The following CECR2 variants were observed in gnomAD, a reference collection of about 807,000 sequenced individuals.
CECR2 encodes the protein chromatin remodeling regulator CECR2.
Under a neutral mutation model 154.5 loss-of-function variants are expected in CECR2, and 30 were observed. The observed-to-expected ratio is 0.19, with a 90% CI of 0.15 to 0.26. The LOEUF (loss-of-function observed/expected upper bound fraction) is 0.26, where lower values mean the gene tolerates loss of function less well. Among genes scored for constraint, CECR2 ranks in the 10% least tolerant of loss-of-function variants. The probability of loss-of-function intolerance (pLI) is 1.00; values close to 1 mark genes in which losing one functional copy is unlikely to be tolerated. For synonymous variants in CECR2, 725 were observed against 683.7 expected (o/e 1.06, Z -0.94); for missense variants, 1,743 against 1,829.3 (o/e 0.95, Z 0.86).
At chr22:17,543,154 A>T (rs892818567) in intron 16 of CECR2, among the ~76,000 whole-genome samples, 151 bp downstream of exon 16, 1 of 151,682 alleles carries the variant, frequency 6.6e-6, no homozygotes, top group Admixed American at 6.6e-5. Context: ...TTTTTTTGAG[A>T]CAGAGTCTTG....
chr22:17,541,693 T>C, intron 14 of CECR2, 146 bp from the exon 15 acceptor site: 1 of 883,046 alleles, frequency 1.1e-6, no homozygotes, highest in South Asian at 2.0e-5. Context: ...GGTGAGCACG[T>C]GTGTTCACAG....
chr22:17,542,131 A>G, intron 15 of CECR2, 26 bp from the exon 16 acceptor site: 2 of 1,601,736 alleles, frequency 1.2e-6, no homozygotes, highest in Non-Finnish European at 1.7e-6. Flanking sequence ...TGAGTCTGTA[A>G]CTGTGCTGCC....
rs1250439461 is a variant in CECR2, at chr22:17,542,907, C to G, written c.2764C>G (p.Pro922Ala). 6.2e-7 allele frequency: 1 copy of G among 1,613,960 alleles called. No individual in the cohort carries two copies. The highest frequency in any genetic ancestry group is 1.1e-5 in the South Asian group (1 of 91,082). Reference protein sequence around the residue: ...LPGPFPQVAHPMSVTVSAPKP... With the variant: ...LPGPFPQVAHAMSVTVSAPKP... ...TGGCCCTTTTCCGCAGGTAGCTCAC[C>G]CAATGTCAGTCACTGTGTCAGCCCC... The change falls in exon 16 of 19, where the codon CCA (proline) becomes GCA (alanine). Residue 922 changes from proline to alanine, a missense_variant. Physicochemically the swap from Pro to Ala is conservative, Grantham distance 27. Transcript: ENST00000262608.
intron 1 of CECR2, among the ~76,000 whole-genome samples, chr22:17,388,037 C>T (rs1023252083): frequency 6.6e-6 from 1 of 152,030 alleles, no homozygotes; most frequent in Non-Finnish European, 1.5e-5. Flanking sequence ...TCGCTGTAAC[C>T]TCTGCCTCCC....
intron 1 of CECR2, chr22:17,428,404 A>G (rs2054363998): frequency 6.6e-6 from 1 of 152,064 alleles, no homozygotes; most frequent in African/African-American, 2.4e-5. Context: ...TTTTAGCGTT[A>G]GTACCTTCAG....
intron 18 of CECR2, among the ~76,000 whole-genome samples, chr22:17,552,425 C>G (rs939006354): frequency 6.6e-6 from 1 of 152,128 alleles, no homozygotes; most frequent in Non-Finnish European, 1.5e-5. Context: ...CTGCCATGAT[C>G]CCTTGTCTGT....
upstream of CECR2, chr22:17,369,319 T>TCCCC (rs1018993465): frequency 6.8e-6 from 1 of 147,414 alleles, no homozygotes; most frequent in African/African-American, 2.5e-5. Flanking sequence ...GCCCCGCCCC[T>TCCCC]CCCCCTCCCT....
chr22:17,489,123 G>A (rs1296744), intron 2 of CECR2, among the ~76,000 whole-genome samples: 48,251 of 117,084 alleles, frequency 0.41, 7,876 homozygotes, highest in South Asian at 0.51. Flanking sequence ...TAGTAGAGAC[G>A]GGGTTTCACC....
chr22:17,446,559 T>C (rs1023276805), intron 1 of CECR2, among the ~76,000 whole-genome samples: 1 of 151,758 alleles, frequency 6.6e-6, no homozygotes, highest in African/African-American at 2.4e-5. Flanking sequence ...CTACTAAAAA[T>C]ACAAAAAATT....
chr22:17,376,340 A>G (rs1389626137), intron 1 of CECR2, among the ~76,000 whole-genome samples: 1 of 152,076 alleles, frequency 6.6e-6, no homozygotes, highest in African/African-American at 2.4e-5. Flanking sequence ...GCGTTAGCAC[A>G]TGGCTCGCTT....
chr22:17,416,036 C>T (rs1601319843), intron 1 of CECR2, among the ~76,000 whole-genome samples: 1 of 152,174 alleles, frequency 6.6e-6, no homozygotes, highest in South Asian at 2.1e-4. Flanking sequence ...TTTCCAGGCC[C>T]TTCCCATTTT....
At chr22:17,500,771 G>T in intron 5 of CECR2, 36 bp downstream of exon 5, 2 of 1,354,536 alleles carry the variant, frequency 1.5e-6, no homozygotes, top group Non-Finnish European at 2.0e-6. Context: ...CATAGACCAT[G>T]GCAGAAGGGA....
chr22:17,382,669 C>T (rs1295012019), intron 1 of CECR2, among the ~76,000 whole-genome samples: 1 of 152,128 alleles, frequency 6.6e-6, no homozygotes, highest in Non-Finnish European at 1.5e-5. Context: ...CTTTGGGAGG[C>T]TGAGGCTGGC....
intron 1 of CECR2, among the ~76,000 whole-genome samples, chr22:17,471,868 A>C (rs922457830): frequency 2.0e-5 from 3 of 152,134 alleles, no homozygotes; most frequent in Non-Finnish European, 4.4e-5. Context: ...AGACTCATGG[A>C]ACTTCTTCTT....
chr22:17,535,044 G>A (rs1336044534), intron 9 of CECR2, among the ~76,000 whole-genome samples: 3 of 151,222 alleles, frequency 2.0e-5, no homozygotes, highest in African/African-American at 4.9e-5. Flanking sequence ...CCAGCTATTC[G>A]GGAGGCTGAG....
rs181273945 is a variant in CECR2, at chr22:17,529,214, G to T, written c.1108+4943G>T. On this transcript the variant is annotated intron_variant, in intron 9 of 18. Coordinates refer to ENST00000262608, the MANE Select transcript of CECR2 (RefSeq NM_001290047.2). The stretch of plus-strand genomic sequence containing the variant: ...ACAAGAGCAGAGGCACGGAGGCAGG[G>T]ATATGCAGCAGGAAGTCCAGGGCGA... Among the ~76,000 whole-genome samples the T allele has an allele frequency of 4.3e-3, 661 of 152,338 alleles. 6 individuals are homozygous for T. Among genetic ancestry groups the T allele is most frequent in the African/African-American group, 0.015 (629 of 41,580 alleles).
chr22:17,553,137 C>G lies in CECR2; in HGVS notation c.*297C>G. On this transcript the variant is annotated 3_prime_UTR_variant, in exon 19 of 19. Transcript: ENST00000262608. ...GATGACTTTTCCAAATCCTGAGACA[C>G]TTTTCAGGGAAAATCACTTTAAACT... 1 of 398,308 alleles carries G rather than the reference C, an allele frequency of 2.5e-6. No homozygotes were observed. Among genetic ancestry groups the G allele is most frequent in the Non-Finnish European group, 4.0e-6 (1 of 247,506 alleles). The allele number at this position is 398,308 out of a possible 1,614,324, so 24.7% of individuals were successfully genotyped here.
At position 17,421,431 on chromosome 22, in the gene CECR2, T is replaced by C. The variant is rs573085242; in HGVS notation, c.126+51522T>C. 6.9e-3 allele frequency among the ~76,000 whole-genome samples: 1,045 copies of C among 151,780 alleles called. 9 individuals are homozygous for C. The highest frequency in any genetic ancestry group is 0.021 in the Middle Eastern group (6 of 292). On this transcript the variant is annotated intron_variant, in intron 1 of 18. Coordinates refer to ENST00000262608, the MANE Select transcript of CECR2 (RefSeq NM_001290047.2). ...GAGATCGAGACCATCCCGGCTAAAA[T>C]GGTGAAACCCCGTCTCTACTAAAAA...
chr22:17,410,573 G>C (rs1050617686), intron 1 of CECR2, among the ~76,000 whole-genome samples: 12 of 151,880 alleles, frequency 7.9e-5, no homozygotes, highest in African/African-American at 2.4e-4. Flanking sequence ...TCAGCCTCCT[G>C]AGTAGCTGGG....
Sources: allele counts gnomAD v4.1 joint callset (sites outside exome capture counted in the v4.1 genomes callset), GRCh38; gene constraint gnomAD v4.1.1; transcripts MANE v1.5; gene names NCBI Gene and HGNC (gene_info 2026-07-23, HGNC 2026-07-21).